LAMA3: variants seen among roughly 807,000 people sequenced by gnomAD.
The protein encoded by LAMA3 is laminin subunit alpha-3.
Under a neutral mutation model 402.0 loss-of-function variants are expected in LAMA3, and 281 were observed. The ratio of observed to expected loss-of-function variants is 0.70; its 90% CI spans 0.63 to 0.77. The LOEUF (loss-of-function observed/expected upper bound fraction) is 0.77. Ranked by LOEUF, LAMA3 falls within the 30% of genes least tolerant of loss-of-function variation. The pLI is 0.00. For missense variants in LAMA3, 3,840 were observed against 4,215.5 expected (o/e 0.91, Z 2.47); for synonymous variants, 1,431 against 1,558.4 (o/e 0.92, Z 1.93).
intron 12 of LAMA3, among the ~76,000 whole-genome samples, chr18:23,794,784 T>A (rs1233852545): frequency 6.6e-6 from 1 of 152,212 alleles, no homozygotes; most frequent in African/African-American, 2.4e-5. Context: ...TGCATCTCCA[T>A]GTGGCTTCAT....
chr18:23,834,539 G>A (rs1209332181), intron 24 of LAMA3: 1 of 163,674 alleles, frequency 6.1e-6, no homozygotes, highest in African/African-American at 2.4e-5. Context: ...TATTAAAAAT[G>A]GTTTTGTTTG....
intron 21 of LAMA3, among the ~76,000 whole-genome samples, chr18:23,825,190 T>A (rs1168564478): frequency 6.6e-6 from 1 of 152,192 alleles, no homozygotes; most frequent in Admixed American, 6.5e-5. Context: ...AACAGAGAAC[T>A]CTTTGTTCAG....
intron 2 of LAMA3, among the ~76,000 whole-genome samples, chr18:23,726,216 G>A (rs1041081026): frequency 2.0e-4 from 30 of 152,234 alleles, no homozygotes; most frequent in African/African-American, 6.8e-4. Context: ...TGCCATCCAG[G>A]TGGGCCCAGG....
At chr18:23,792,732 T>C (rs2062683934) in intron 12 of LAMA3, among the ~76,000 whole-genome samples, 2 of 152,056 alleles carry the variant, frequency 1.3e-5, no homozygotes, top group African/African-American at 2.4e-5. Context: ...TATTGCCGCA[T>C]TGGGAATGGC....
At chr18:23,740,079 A>G (rs1394506405) in intron 2 of LAMA3, among the ~76,000 whole-genome samples, 1 of 152,250 alleles carries the variant, frequency 6.6e-6, no homozygotes, top group Non-Finnish European at 1.5e-5. Flanking sequence ...AAACAAATCC[A>G]TGACAGTTGA....
chr18:23,825,840 C>A (rs551241838), intron 21 of LAMA3, among the ~76,000 whole-genome samples: 1 of 152,168 alleles, frequency 6.6e-6, no homozygotes, highest in Admixed American at 6.5e-5. Flanking sequence ...CTATGATCAA[C>A]CTTTACTATT....
chr18:23,932,073 C>G, intron 65 of LAMA3, 87 bp from the exon 66 acceptor site: 1 of 1,471,842 alleles, frequency 6.8e-7, no homozygotes, highest in South Asian at 1.1e-5. Context: ...AATATTGAAT[C>G]TGAGTCTTAG....
intron 11 of LAMA3, among the ~76,000 whole-genome samples, chr18:23,783,203 G>A (rs1174245678): frequency 2.6e-5 from 4 of 152,116 alleles, no homozygotes; most frequent in Admixed American, 2.0e-4. Flanking sequence ...GAATGGAAAC[G>A]GCAAGGCCTG....
intron 7 of LAMA3, among the ~76,000 whole-genome samples, chr18:23,759,984 A>G (rs1364748903): frequency 6.6e-6 from 1 of 152,240 alleles, no homozygotes; most frequent in Non-Finnish European, 1.5e-5. Context: ...AGAAAGGTAT[A>G]ATAAAAGTAA....
intron 11 of LAMA3, among the ~76,000 whole-genome samples, chr18:23,782,577 A>C (rs1387820760): frequency 1.3e-5 from 2 of 152,180 alleles, no homozygotes; most frequent in Admixed American, 6.5e-5. Context: ...ATAAATAAAA[A>C]GAAAAAAGAA....
chr18:23,944,941 C>T (rs1005089420), intron 69 of LAMA3, among the ~76,000 whole-genome samples: 7 of 152,028 alleles, frequency 4.6e-5, no homozygotes, highest in Non-Finnish European at 8.8e-5. Flanking sequence ...GAGACCAGCC[C>T]GACCAACATG....
At chr18:23,883,878 G>A (rs2064982566) in intron 40 of LAMA3, among the ~76,000 whole-genome samples, 1 of 152,134 alleles carries the variant, frequency 6.6e-6, no homozygotes, top group Non-Finnish European at 1.5e-5. Context: ...AACTCTATTT[G>A]TATCTATTTC....
intron 12 of LAMA3, among the ~76,000 whole-genome samples, chr18:23,794,164 A>G (rs761125383): frequency 1.3e-5 from 2 of 152,200 alleles, no homozygotes; most frequent in Non-Finnish European, 2.9e-5. Context: ...GCTTCCTGAC[A>G]TCAGCATTCC....
At chr18:23,797,899 T>A (rs189150952) in intron 12 of LAMA3, among the ~76,000 whole-genome samples, 1 of 152,316 alleles carries the variant, frequency 6.6e-6, no homozygotes, top group African/African-American at 2.4e-5. Context: ...ATGGTTTTCT[T>A]TCTTGGGGAA....
At chr18:23,851,295 C>T (rs547355081) in intron 32 of LAMA3, among the ~76,000 whole-genome samples, 1 of 152,332 alleles carries the variant, frequency 6.6e-6, no homozygotes, top group East Asian at 1.9e-4. Context: ...CCTTCGTCTC[C>T]TGTAATACTG....
chr18:23,869,727 G>C (rs552650419), intron 37 of LAMA3, among the ~76,000 whole-genome samples: 1 of 152,260 alleles, frequency 6.6e-6, no homozygotes, highest in South Asian at 2.1e-4. Context: ...TTTAAGAGAT[G>C]TAAAAACTGA....
chr18:23,951,603 G>T (rs2082911893), intron 72 of LAMA3, 81 bp from the exon 73 acceptor site: 2 of 1,121,322 alleles, frequency 1.8e-6, no homozygotes, highest in East Asian at 4.9e-5. Flanking sequence ...AGTTGGCCCG[G>T]TTTGGGGAGG....
chr18:23,889,665 G>T (rs2080575894), intron 41 of LAMA3, among the ~76,000 whole-genome samples: 1 of 105,536 alleles, frequency 9.5e-6, no homozygotes, highest in South Asian at 4.1e-4. Context: ...GGAGGAGGGA[G>T]GGGGGAGGGA....
Position 23,946,144 on chromosome 18 carries a change from G to A in LAMA3, c.9211G>A (p.Val3071Met), listed in dbSNP as rs766470988. 3 of 1,613,702 alleles carry A rather than the reference G, an allele frequency of 1.9e-6. No individual in the cohort carries two copies. In the South Asian group the frequency reaches 3.3e-5, roughly 18 times the overall value. Residue 3071 changes from valine (V) to methionine (M), a missense_variant and splice_region_variant, in exon 70 of 75, where the codon GTG (valine) becomes ATG (methionine). This residue lies in a region of LAMA3 where 840 missense variants were observed against 981.9 expected (regional missense o/e 0.86). Coordinates refer to ENST00000313654, the MANE Select transcript of LAMA3 (RefSeq NM_198129.4). ...CTCACGTATCTTTCTTACTCTGAAG[G>A]TGGTGTTTGGCCATGATGGGGAAAA... is the stretch of plus-strand genomic sequence containing the variant. ...EKCNDGKWHT[V>M]VFGHDGEKGR...
Sources: allele counts gnomAD v4.1 joint callset (sites outside exome capture counted in the v4.1 genomes callset), GRCh38; gene constraint gnomAD v4.1.1; regional missense constraint gnomAD v4.1.1; transcripts MANE v1.5; gene names NCBI Gene and HGNC (gene_info 2026-07-23, HGNC 2026-07-21).